Variants in NRXN1 observed in about 807,000 individuals in gnomAD.
NRXN1 encodes neurexin 1, also known as neurexin-1.
NRXN1 carries 39 observed loss-of-function variants against 150.9 expected under a neutral mutation model. The ratio of observed to expected loss-of-function variants is 0.26; its 90% CI spans 0.20 to 0.34. The LOEUF is 0.34. Ranked by LOEUF, NRXN1 falls within the 10% of genes least tolerant of loss-of-function variation. The probability of loss-of-function intolerance (pLI) is 1.00; values close to 1 mark genes in which losing one functional copy is unlikely to be tolerated. For missense variants in NRXN1, 1,815 were observed against 1,949.9 expected (o/e 0.93, Z 1.30); for synonymous variants, 924 against 757.0 (o/e 1.22, Z -3.62).
At chr2:50,135,962 C>T (rs12468151) in intron 18 of NRXN1, among the ~76,000 whole-genome samples, 25,844 of 152,122 alleles carry the variant, frequency 0.17, 2,679 homozygotes, top group East Asian at 0.37. Context: ...AGATGTCAAA[C>T]ATACCAGCAA....
intron 17 of NRXN1, among the ~76,000 whole-genome samples, chr2:50,427,111 T>C (rs971786955): frequency 2.0e-5 from 3 of 152,302 alleles, no homozygotes; most frequent in Admixed American, 6.5e-5. Context: ...TTACAAGCTA[T>C]CTTGTTTAAG....
At chr2:50,731,915 T>C (rs1698154802) in intron 5 of NRXN1, among the ~76,000 whole-genome samples, 1 of 152,208 alleles carries the variant, frequency 6.6e-6, no homozygotes, top group South Asian at 2.1e-4. Flanking sequence ...TCTTATATCT[T>C]GTCTATATTC....
intron 22 of NRXN1, among the ~76,000 whole-genome samples, chr2:49,925,874 TA>T (rs760369263): frequency 7.2e-5 from 11 of 152,150 alleles, no homozygotes; most frequent in Non-Finnish European, 1.6e-4. Flanking sequence ...GAGGGGGAGC[TA>T]AAATAATGGC....
At chr2:50,441,821 G>T (rs1256236796) in intron 17 of NRXN1, among the ~76,000 whole-genome samples, 2 of 152,070 alleles carry the variant, frequency 1.3e-5, no homozygotes, top group East Asian at 3.8e-4. Context: ...GTAAAAAATG[G>T]TCATCCATCA....
chr2:50,869,875 C>G (rs1252091667), intron 5 of NRXN1, among the ~76,000 whole-genome samples: 1 of 151,842 alleles, frequency 6.6e-6, no homozygotes, highest in East Asian at 1.9e-4. Flanking sequence ...AAAGACTCAA[C>G]TAATTAAATA....
At chr2:50,040,536 G>C (rs1690772648) in intron 21 of NRXN1, among the ~76,000 whole-genome samples, 1 of 151,938 alleles carries the variant, frequency 6.6e-6, no homozygotes, top group Non-Finnish European at 1.5e-5. Flanking sequence ...TGGAGATATG[G>C]AGCTAATTAC....
chr2:50,642,121 G>T (rs1684165084), intron 5 of NRXN1, among the ~76,000 whole-genome samples: 1 of 151,960 alleles, frequency 6.6e-6, no homozygotes, highest in Non-Finnish European at 1.5e-5. Context: ...ATAAGTCATG[G>T]AAGCCCTGAA....
intron 5 of NRXN1, among the ~76,000 whole-genome samples, chr2:50,804,308 T>C (rs912357712): frequency 2.0e-5 from 3 of 152,200 alleles, no homozygotes; most frequent in Non-Finnish European, 2.9e-5. Flanking sequence ...TAACAAGAGC[T>C]ACCATTTATT....
At chr2:50,506,738 A>G in intron 12 of NRXN1, 121 bp from the exon 13 acceptor site, 1 of 984,460 alleles carries the variant, frequency 1.0e-6, no homozygotes, top group Non-Finnish European at 1.5e-6. Flanking sequence ...GAGAAAGAAG[A>G]AAGGAAGAAA....
chr2:50,857,311 T>C (rs1435281436), intron 5 of NRXN1, among the ~76,000 whole-genome samples: 3 of 151,702 alleles, frequency 2.0e-5, no homozygotes. Flanking sequence ...GTGGGGGAAA[T>C]GGTGAAGGGT....
chr2:50,610,862 G>A (rs992559326), intron 8 of NRXN1, among the ~76,000 whole-genome samples: 1 of 144,380 alleles, frequency 6.9e-6, no homozygotes, highest in Non-Finnish European at 1.5e-5. Context: ...GCACGATTTC[G>A]GCTCACTGCA....
At chr2:50,933,810 T>A (rs1293007432) in intron 2 of NRXN1, among the ~76,000 whole-genome samples, 1 of 152,136 alleles carries the variant, frequency 6.6e-6, no homozygotes, top group Non-Finnish European at 1.5e-5. Flanking sequence ...GAAAACATGC[T>A]GAACAGAAAG....
chr2:51,024,076 C>T lies in NRXN1; in HGVS notation c.772+3426G>A, dbSNP rs528365977. Among the ~76,000 whole-genome samples the T allele has an allele frequency of 2.6e-5, 4 of 152,250 alleles. No homozygotes were observed. In the South Asian group the frequency reaches 8.3e-4, roughly 32 times the overall value. ...TTTCTTATTGATTATCCTTGTTATT[C>T]TTGTTTTTAAACTGGATAGCTATGA... is the stretch of plus-strand genomic sequence containing the variant. On this transcript the variant is annotated intron_variant, in intron 2 of 22. Coordinates refer to ENST00000401669, the MANE Select transcript of NRXN1 (RefSeq NM_001330078.2).
chr2:50,745,306 C>A lies in NRXN1; in HGVS notation c.833-121691G>T, dbSNP rs563709766. 2.7e-5 allele frequency among the ~76,000 whole-genome samples: 4 copies of A among 147,532 alleles called. No homozygotes were observed. In the East Asian group the frequency reaches 6.3e-4, roughly 23 times the overall value. On this transcript the variant is annotated intron_variant, in intron 5 of 22. Transcript: ENST00000401669. ...ATTTTTATATTTATATCTGCCCCCCCCCAGGACTGAAAAAAAACCACTTTA... is the reference window on the plus strand; with the variant it reads ...ATTTTTATATTTATATCTGCCCCCCACCAGGACTGAAAAAAAACCACTTTA...
chr2:50,311,965 G>T (rs1376737740), intron 17 of NRXN1, among the ~76,000 whole-genome samples: 1 of 152,108 alleles, frequency 6.6e-6, no homozygotes, highest in Non-Finnish European at 1.5e-5. Context: ...AGCTATGGTA[G>T]ACACTGGGGA....
At chr2:50,817,550 C>T (rs966463146) in intron 5 of NRXN1, among the ~76,000 whole-genome samples, 6 of 151,958 alleles carry the variant, frequency 3.9e-5, no homozygotes, top group African/African-American at 4.8e-5. Context: ...ACAAGGACTA[C>T]AAGAAAAGAA....
chr2:50,839,221 T>C (rs1390444667), intron 5 of NRXN1, among the ~76,000 whole-genome samples: 2 of 152,122 alleles, frequency 1.3e-5, no homozygotes, highest in Non-Finnish European at 2.9e-5. Context: ...TCTGAAGCCT[T>C]TTTAATCTAA....
intron 17 of NRXN1, among the ~76,000 whole-genome samples, chr2:50,266,004 T>TTA (rs1553343588): frequency 1.6e-4 from 6 of 37,362 alleles, no homozygotes; most frequent in South Asian, 6.8e-4. Flanking sequence ...TATTATTTAT[T>TTA]TTTTTTTTTT....
chr2:50,916,158 T>A (rs1424004646), intron 5 of NRXN1, among the ~76,000 whole-genome samples: 1 of 150,178 alleles, frequency 6.7e-6, no homozygotes, highest in African/African-American at 2.4e-5. Flanking sequence ...TGAAGAAAAA[T>A]CTTTGAAGTC....
Sources: gnomAD v4.1 joint callset for allele counts (sites outside exome capture counted in the v4.1 genomes callset) on GRCh38, gnomAD v4.1.1 for gene constraint, MANE v1.5 for transcripts, NCBI Gene and HGNC (gene_info 2026-07-23, HGNC 2026-07-21) for gene names.